Variants in GALNT13 observed in about 807,000 individuals in gnomAD.
GALNT13 encodes the protein polypeptide N-acetylgalactosaminyltransferase 13.
GALNT13 carries 28 observed loss-of-function variants against 64.2 expected under a neutral mutation model. The ratio of observed to expected loss-of-function variants is 0.44; its 90% CI spans 0.32 to 0.60. GALNT13 has a LOEUF of 0.60. Among genes scored for constraint, GALNT13 ranks in the 20% least tolerant of loss-of-function variants. GALNT13 has a pLI of 0.05. For missense variants in GALNT13, 577 were observed against 669.8 expected, an observed-to-expected ratio of 0.86 and a Z score of 1.53; for synonymous variants, 214 against 224.6, an observed-to-expected ratio of 0.95 and a Z score of 0.42.
intron 2 of GALNT13, among the ~76,000 whole-genome samples, chr2:153,911,392 C>A (rs1166417640): frequency 1.3e-5 from 2 of 152,084 alleles, no homozygotes; most frequent in African/African-American, 4.8e-5. Flanking sequence ...TTACTTGGAG[C>A]ATTTAGCTTC....
the GALNT13 span, among the ~76,000 whole-genome samples, chr2:153,147,474 A>G: frequency 2.0e-5 from 3 of 151,306 alleles, no homozygotes; most frequent in Admixed American, 6.6e-5. Context: ...AGTAGTGAGG[A>G]GGAGTATCGA....
the GALNT13 span, among the ~76,000 whole-genome samples, chr2:153,258,789 A>T: frequency 6.6e-6 from 1 of 152,084 alleles, no homozygotes; most frequent in Non-Finnish European, 1.5e-5. Context: ...CTTGTTATCA[A>T]TTACCGGTTT....
At chr2:154,110,271 C>A (rs1361437215) in intron 3 of GALNT13, among the ~76,000 whole-genome samples, 2 of 63,794 alleles carry the variant, frequency 3.1e-5, no homozygotes, top group African/African-American at 7.4e-5. Flanking sequence ...AGGGACAGAA[C>A]TAATAGGATA....
the GALNT13 span, among the ~76,000 whole-genome samples, chr2:153,149,950 T>G: frequency 2.0e-5 from 3 of 151,790 alleles, no homozygotes; most frequent in South Asian, 2.1e-4. Flanking sequence ...AATAATGTCT[T>G]TGAGGCTATA....
chr2:154,279,747 C>CT (rs1691855787), intron 8 of GALNT13, among the ~76,000 whole-genome samples: 1 of 152,086 alleles, frequency 6.6e-6, no homozygotes, highest in Admixed American at 6.6e-5. Flanking sequence ...ATGGTTATTT[C>CT]TTTACTCTTC....
At chr2:153,145,914 A>G in the GALNT13 span, among the ~76,000 whole-genome samples, 2 of 151,884 alleles carry the variant, frequency 1.3e-5, no homozygotes, top group Non-Finnish European at 1.5e-5. Context: ...TAAACATAGC[A>G]GGAAGGAGCC....
chr2:153,582,434 G>T, the GALNT13 span, among the ~76,000 whole-genome samples: 43 of 151,956 alleles, frequency 2.8e-4, no homozygotes, highest in Non-Finnish European at 5.9e-5. Flanking sequence ...TATAAGAATT[G>T]ATTATAACTT....
At chr2:153,497,995 T>C in the GALNT13 span, among the ~76,000 whole-genome samples, 1 of 152,316 alleles carries the variant, frequency 6.6e-6, no homozygotes, top group East Asian at 1.9e-4. Context: ...AAGAATTCAT[T>C]TTTATTAGTA....
the GALNT13 span, among the ~76,000 whole-genome samples, chr2:153,642,458 T>C: frequency 6.6e-6 from 1 of 151,846 alleles, no homozygotes; most frequent in South Asian, 2.1e-4. Flanking sequence ...GCTATTTTAA[T>C]CAGACAAAAT....
At chr2:154,081,868 G>A (rs1284530162) in intron 3 of GALNT13, among the ~76,000 whole-genome samples, 1 of 151,726 alleles carries the variant, frequency 6.6e-6, no homozygotes, top group Non-Finnish European at 1.5e-5. Context: ...CAGTGCTTGA[G>A]CCTTGGGTTT....
chr2:154,036,461 A>G (rs1442298839), intron 3 of GALNT13, among the ~76,000 whole-genome samples: 2 of 152,064 alleles, frequency 1.3e-5, no homozygotes, highest in African/African-American at 4.8e-5. Context: ...ATCTGACTCC[A>G]TTTCTAAACT....
At chr2:153,954,032 T>C (rs954648666) in intron 3 of GALNT13, among the ~76,000 whole-genome samples, 1 of 152,172 alleles carries the variant, frequency 6.6e-6, no homozygotes, top group African/African-American at 2.4e-5. Flanking sequence ...TTTTGTTTTT[T>C]AAAATTATCT....
the GALNT13 span, among the ~76,000 whole-genome samples, chr2:153,465,881 A>T: frequency 6.6e-6 from 1 of 152,064 alleles, no homozygotes. Context: ...TGAGTGAGAA[A>T]GTCTACAGGT....
intron 9 of GALNT13, among the ~76,000 whole-genome samples, chr2:154,333,644 A>G (rs1310219577): frequency 2.0e-5 from 3 of 152,090 alleles, no homozygotes; most frequent in Non-Finnish European, 4.4e-5. Context: ...TGAAATAGCA[A>G]TGAATTCTTT....
At chr2:153,742,118 A>G in the GALNT13 span, among the ~76,000 whole-genome samples, 1 of 152,000 alleles carries the variant, frequency 6.6e-6, no homozygotes, top group Non-Finnish European at 1.5e-5. Context: ...TTGAACCACC[A>G]TCTCCCCATT....
chr2:154,252,076 T>A (rs1690098543), intron 7 of GALNT13, among the ~76,000 whole-genome samples: 1 of 151,940 alleles, frequency 6.6e-6, no homozygotes. Context: ...AGTGTAGATA[T>A]TGTGTTATTT....
intron 4 of GALNT13, among the ~76,000 whole-genome samples, chr2:154,163,862 A>G (rs1430613740): frequency 6.6e-6 from 1 of 152,186 alleles, no homozygotes; most frequent in Admixed American, 6.5e-5. Context: ...TCTCTGTCAT[A>G]AGCTGTTTTC....
chr2:154,225,145 T>TA (rs1553499040), intron 4 of GALNT13, among the ~76,000 whole-genome samples: 3,326 of 105,548 alleles, frequency 0.032, 50 homozygotes, highest in Non-Finnish European at 0.042. Context: ...GATAGATAGA[T>TA]GACAGATAGA....
chr2:154,186,921 A>G (rs1573836044), intron 4 of GALNT13, among the ~76,000 whole-genome samples: 1 of 152,130 alleles, frequency 6.6e-6, no homozygotes, highest in East Asian at 1.9e-4. Flanking sequence ...TTGAGAAAGT[A>G]TCTTTCTGAT....
Sources: allele counts gnomAD v4.1 joint callset (sites outside exome capture counted in the v4.1 genomes callset), GRCh38; gene constraint gnomAD v4.1.1; transcripts MANE v1.5; gene names NCBI Gene and HGNC (gene_info 2026-07-23, HGNC 2026-07-21).